The following KATNAL2 variants were observed in gnomAD, a reference collection of about 807,000 sequenced individuals.
KATNAL2 encodes katanin catalytic subunit A1 like 2.
KATNAL2 carries 52 observed loss-of-function variants against 76.3 expected under a neutral mutation model. The ratio of observed to expected loss-of-function variants is 0.68; its 90% confidence interval spans 0.55 to 0.86. KATNAL2 has a LOEUF of 0.86. Ranked by LOEUF, KATNAL2 falls within the 40% of genes least tolerant of loss-of-function variation. The pLI, the probability that KATNAL2 is intolerant of heterozygous loss-of-function variation, is 0.00. For missense variants in KATNAL2, 660 were observed against 668.9 expected (o/e 0.99, Z 0.15); for synonymous variants, 243 against 244.2 (o/e 1.00, Z 0.05).
At chr18:46,957,051 A>G (rs2059772689) in intron 3 of KATNAL2, among the ~76,000 whole-genome samples, 1 of 151,506 alleles carries the variant, frequency 6.6e-6, no homozygotes, top group African/African-American at 2.4e-5. Flanking sequence ...AAAAAAAAAA[A>G]AAAGAAAAAG....
intron 3 of KATNAL2, among the ~76,000 whole-genome samples, chr18:47,038,446 A>AT (rs2060853387): frequency 6.6e-6 from 1 of 152,162 alleles, no homozygotes; most frequent in African/African-American, 2.4e-5. Flanking sequence ...AATAAACTGT[A>AT]TTTTTCTGCC....
At chr18:47,088,194 T>TA (rs1203426465) in intron 15 of KATNAL2, among the ~76,000 whole-genome samples, 3 of 152,186 alleles carry the variant, frequency 2.0e-5, no homozygotes, top group Admixed American at 1.3e-4. Flanking sequence ...CTGTGCATGT[T>TA]AGCAGTTCTG....
At chr18:46,926,435 C>G (rs1175505831) in intron 1 of KATNAL2, among the ~76,000 whole-genome samples, 1 of 152,180 alleles carries the variant, frequency 6.6e-6, no homozygotes, top group Non-Finnish European at 1.5e-5. Context: ...TTTGATTGCA[C>G]TGTGGTCTGA....
intron 11 of KATNAL2, 103 bp from the exon 12 acceptor site, chr18:47,069,117 G>A: frequency 2.6e-6 from 2 of 778,230 alleles, no homozygotes; most frequent in Non-Finnish European, 4.3e-6. Context: ...CTGAATCTTA[G>A]AGCTGTGCTG....
At position 46,946,448 on chromosome 18, in the gene KATNAL2, C is replaced by T; in HGVS notation, c.-118C>T. On this transcript the variant is annotated 5_prime_UTR_variant, in exon 2 of 18. Coordinates refer to ENST00000683218, the MANE Select transcript of KATNAL2 (RefSeq NM_001387690.1). ...AGATTTCCAAACCTTTACCCTAATC[C>T]AGGGAGGAGAAGACGGGACGTCAAA... is the stretch of plus-strand genomic sequence containing the variant. 2.0e-6 allele frequency: 2 copies of T among 985,386 alleles called. No individual in the cohort carries two copies. Among genetic ancestry groups the T allele is most frequent in the Non-Finnish European group, 2.4e-6 (2 of 829,922 alleles). The allele number at this position is 985,386 out of a possible 1,614,324, so 61.0% of individuals were successfully genotyped here. A position where few individuals can be genotyped will look rare whatever the true frequency, so the allele number is the denominator to read the frequency against.
chr18:46,952,199 A>G (rs1236762317), intron 3 of KATNAL2, among the ~76,000 whole-genome samples: 4 of 151,890 alleles, frequency 2.6e-5, no homozygotes, highest in Non-Finnish European at 4.4e-5. Flanking sequence ...CAGCATCCCA[A>G]GTAGCTGGGA....
chr18:47,066,710 T>C (rs946978409), intron 10 of KATNAL2, among the ~76,000 whole-genome samples: 1 of 151,186 alleles, frequency 6.6e-6, no homozygotes, highest in African/African-American at 2.4e-5. Context: ...ACAGGTAGAG[T>C]CTGTTGTTAG....
intron 3 of KATNAL2, among the ~76,000 whole-genome samples, chr18:46,955,415 G>T (rs1184761779): frequency 6.6e-6 from 1 of 151,282 alleles, no homozygotes; most frequent in Non-Finnish European, 1.5e-5. Context: ...GTAGAGACGG[G>T]GTTTCTTCTT....
Position 47,063,315 on chromosome 18 carries a change from T to C in KATNAL2, c.680T>C (p.Ile227Thr). Residue 227 changes from isoleucine (I) to threonine (T), a missense_variant, in exon 10 of 18, where the codon ATT becomes ACT. By Grantham distance (89) the Ile-to-Thr change is moderately conservative (BLOSUM62 -1). Coordinates refer to ENST00000683218, the MANE Select transcript of KATNAL2 (RefSeq NM_001387690.1). The part of the protein sequence containing the change: ...ERLLKPLSAF[I>T]GMNSEMRELA... The stretch of plus-strand genomic sequence containing the variant: ...CTGCTGAAACCTCTGAGTGCATTTA[T>C]TGGCATGAACAGTGAGATGCGAGAA... 2 of 1,613,994 alleles carry C rather than the reference T, an allele frequency of 1.2e-6. No homozygotes were observed. Among genetic ancestry groups the C allele is most frequent in the East Asian group, 2.2e-5 (1 of 44,884 alleles).
At chr18:46,949,082 A>T (rs1297575663) in intron 3 of KATNAL2, among the ~76,000 whole-genome samples, 1 of 151,884 alleles carries the variant, frequency 6.6e-6, no homozygotes, top group African/African-American at 2.4e-5. Context: ...TATATTTAGT[A>T]GAAATGGGTT....
At chr18:47,040,109 C>A (rs920376331) in intron 3 of KATNAL2, among the ~76,000 whole-genome samples, 2 of 152,210 alleles carry the variant, frequency 1.3e-5, no homozygotes, top group Non-Finnish European at 2.9e-5. Context: ...AAGACATAAT[C>A]TCTTATAAGA....
At chr18:46,948,353 CT>C (rs1403008613) in intron 3 of KATNAL2, among the ~76,000 whole-genome samples, 2 of 151,310 alleles carry the variant, frequency 1.3e-5, no homozygotes, top group Non-Finnish European at 2.9e-5. Flanking sequence ...CTCAGGCAAT[CT>C]TCCCCCCTCA....
chr18:47,087,488 G>A (rs959649141), intron 15 of KATNAL2, among the ~76,000 whole-genome samples: 3 of 152,018 alleles, frequency 2.0e-5, no homozygotes, highest in Admixed American at 2.0e-4. Context: ...ATAAGTGAGA[G>A]CTAAACAATG....
rs192199012 is a variant in KATNAL2 at position 47,085,585 on chromosome 18, C to T, written c.1211+8124C>T. On this transcript the variant is annotated intron_variant, in intron 15 of 17. Transcript: ENST00000683218. ...AAGTTTTTGCATTTCTGATGACCCA[C>T]GACTCCACGTGAACCCACCAACTAG... Among the ~76,000 whole-genome samples, 8 of 152,174 alleles carry T rather than the reference C, an allele frequency of 5.3e-5. No homozygotes were observed. In the East Asian group the frequency reaches 7.8e-4, roughly 15 times the overall value.
chr18:47,034,045 A>C, intron 3 of KATNAL2: 3 of 1,614,172 alleles, frequency 1.9e-6, no homozygotes, highest in Non-Finnish European at 2.5e-6. Context: ...TTTATCTCCA[A>C]GTGCAGTGGT....
At chr18:47,076,830 G>T (rs559255871) in intron 14 of KATNAL2, among the ~76,000 whole-genome samples, 184 of 148,738 alleles carry the variant, frequency 1.2e-3, no homozygotes, top group Admixed American at 2.7e-3. Flanking sequence ...TATATATATA[G>T]AGAGAGACGG....
chr18:47,034,215 C>T (rs745913119), intron 3 of KATNAL2: 20 of 1,613,932 alleles, frequency 1.2e-5, no homozygotes, highest in Non-Finnish European at 1.7e-5. Flanking sequence ...CAGTCGGTGG[C>T]TTCCCCTCTT....
chr18:46,946,325 G>A lies in KATNAL2; in HGVS notation c.-241G>A. 11 of 1,035,772 alleles carry A rather than the reference G, an allele frequency of 1.1e-5. No individual in the cohort carries two copies. The highest frequency in any genetic ancestry group is 1.3e-5 in the Non-Finnish European group (11 of 857,856). The allele number at this position is 1,035,772 out of a possible 1,614,324, so 64.2% of individuals were successfully genotyped here. On this transcript the variant is annotated 5_prime_UTR_variant, in exon 2 of 18. Transcript: ENST00000683218. ...AGAAGGGGAAGTTTGGTGATGCACA[G>A]TTTGCATCCCAGAAGGCTCTTGACA... is the stretch of plus-strand genomic sequence containing the variant.
In KATNAL2 at chr18:47,058,347, A is replaced by G; in HGVS notation, c.445A>G (p.Asn149Asp). 1 of 1,601,656 alleles carries G rather than the reference A, an allele frequency of 6.2e-7. No individual in the cohort carries two copies. The highest frequency in any genetic ancestry group is 8.6e-7 in the Non-Finnish European group (1 of 1,168,620). ...DTKSLNKEHP[N>D]QEVVDNTRLE... ...CAAATCGCTCAATAAGGAGCATCCT[A>G]ATCAGGTCAGGATGGCTTGGCTTGA... Residue 149 changes from asparagine to aspartate, a missense_variant, in exon 7 of 18, where the codon AAT (asparagine) becomes GAT (aspartate). Transcript: ENST00000683218.
Sources: gnomAD v4.1 joint callset for allele counts (sites outside exome capture counted in the v4.1 genomes callset) on GRCh38, gnomAD v4.1.1 for gene constraint, MANE v1.5 for transcripts, NCBI Gene and HGNC (gene_info 2026-07-23, HGNC 2026-07-21) for gene names.